The following PEPD variants were observed in gnomAD, a reference collection of about 807,000 sequenced individuals.
PEPD encodes the protein xaa-Pro dipeptidase.
Under a neutral mutation model 60.7 loss-of-function variants are expected in PEPD, and 53 were observed. That is an observed-to-expected ratio of 0.87 (90% confidence interval 0.70 to 1.10). PEPD has a LOEUF of 1.10. Among genes scored for constraint, PEPD ranks in the 50% least tolerant of loss-of-function variants. The probability of loss-of-function intolerance (pLI) is 0.00; values close to 1 mark genes in which losing one functional copy is unlikely to be tolerated. For synonymous variants in PEPD, 267 were observed against 284.1 expected, an observed-to-expected ratio of 0.94 and a Z score of 0.60; for missense variants, 711 against 711.9, an observed-to-expected ratio of 1.00 and a Z score of 0.01.
intron 9 of PEPD, among the ~76,000 whole-genome samples, chr19:33,415,479 C>T (rs117227124): frequency 0.023 from 3,478 of 152,268 alleles, 62 homozygotes; most frequent in Non-Finnish European, 0.037. Context: ...CAAGACCAGC[C>T]TGGGCAACAC....
intron 9 of PEPD, 40 bp from the exon 10 acceptor site, chr19:33,413,683 C>A: frequency 8.1e-7 from 1 of 1,236,844 alleles, no homozygotes; most frequent in African/African-American, 1.5e-5. Flanking sequence ...GGCACTAGAG[C>A]AGGCACACCC....
chr19:33,445,442 G>A (rs544641764), intron 9 of PEPD, among the ~76,000 whole-genome samples: 1 of 152,270 alleles, frequency 6.6e-6, no homozygotes, highest in South Asian at 2.1e-4. Flanking sequence ...AGGACATTAG[G>A]GCAGGCCTAA....
intron 3 of PEPD, among the ~76,000 whole-genome samples, chr19:33,503,009 G>A (rs968599095): frequency 1.3e-5 from 2 of 151,438 alleles, no homozygotes; most frequent in Non-Finnish European, 2.9e-5. Flanking sequence ...CACGGAACAC[G>A]GTGGAGGGAG....
intron 7 of PEPD, among the ~76,000 whole-genome samples, chr19:33,472,635 A>G (rs1251194730): frequency 1.3e-5 from 2 of 152,186 alleles, no homozygotes; most frequent in Non-Finnish European, 2.9e-5. Context: ...TGAGCATTAA[A>G]CCCTGAATTA....
intron 9 of PEPD, among the ~76,000 whole-genome samples, chr19:33,453,279 C>A (rs572409519): frequency 7.9e-4 from 118 of 149,806 alleles, no homozygotes; most frequent in Admixed American, 1.5e-3. Context: ...GCACCACTGC[C>A]TTCCAGCCTG....
chr19:33,396,519 A>C (rs1236300938), intron 12 of PEPD, among the ~76,000 whole-genome samples: 1 of 152,088 alleles, frequency 6.6e-6, no homozygotes, highest in African/African-American at 2.4e-5. Context: ...CCCGTCACTC[A>C]CAAGTGGCCA....
intron 9 of PEPD, among the ~76,000 whole-genome samples, chr19:33,432,972 GACAGGCTCCCTC>G (rs1568468688): frequency 6.6e-6 from 1 of 152,238 alleles, no homozygotes; most frequent in Non-Finnish European, 1.5e-5. Context: ...GGCCTGGAGC[GACAGGCTCCCTC>G]ACTGCCATGC....
intron 8 of PEPD, among the ~76,000 whole-genome samples, chr19:33,463,334 C>T (rs998085820): frequency 1.3e-5 from 2 of 152,186 alleles, no homozygotes; most frequent in Admixed American, 6.5e-5. Context: ...AGGATTTAAC[C>T]ACGAGGTGCT....
intron 11 of PEPD, among the ~76,000 whole-genome samples, chr19:33,404,793 C>T (rs1968580637): frequency 6.6e-6 from 1 of 150,906 alleles, no homozygotes; most frequent in African/African-American, 2.5e-5. Flanking sequence ...TCGTGCTCCT[C>T]TCAGTTCCCT....
At chr19:33,408,394 G>A (rs1210706492) in intron 11 of PEPD, among the ~76,000 whole-genome samples, 1 of 152,262 alleles carries the variant, frequency 6.6e-6, no homozygotes, top group African/African-American at 2.4e-5. Context: ...GGTGGCCACT[G>A]CGAGAGAGGG....
chr19:33,404,679 T>A (rs75493355), intron 11 of PEPD, among the ~76,000 whole-genome samples: 1 of 152,282 alleles, frequency 6.6e-6, no homozygotes, highest in East Asian at 1.9e-4. Context: ...TGTAACTGCA[T>A]TTCTTGTTTG....
At chr19:33,502,407 G>A (rs956835484) in intron 3 of PEPD, among the ~76,000 whole-genome samples, 1 of 152,116 alleles carries the variant, frequency 6.6e-6, no homozygotes, top group African/African-American at 2.4e-5. Context: ...GAATAGGGTC[G>A]GGAGGCGTTA....
intron 3 of PEPD, 51 bp downstream of exon 3, chr19:33,510,976 AC>A: frequency 1.5e-6 from 2 of 1,369,054 alleles, no homozygotes; most frequent in Non-Finnish European, 1.9e-6. Context: ...TCCCCTACCC[AC>A]CCCCAGCCCA....
chr19:33,399,337 C>G (rs1968435943), intron 12 of PEPD, among the ~76,000 whole-genome samples: 1 of 152,222 alleles, frequency 6.6e-6, no homozygotes, highest in Non-Finnish European at 1.5e-5. Flanking sequence ...TCGGCAGCTG[C>G]TAAACCAGGT....
chr19:33,505,833 CCA>C (rs755831594), intron 3 of PEPD, among the ~76,000 whole-genome samples: 8 of 127,774 alleles, frequency 6.3e-5, no homozygotes, highest in Non-Finnish European at 9.0e-5. Flanking sequence ...CTACACACAC[CCA>C]CACACAACAC....
intron 9 of PEPD, among the ~76,000 whole-genome samples, chr19:33,416,757 A>C (rs972497185): frequency 6.6e-6 from 1 of 152,210 alleles, no homozygotes; most frequent in African/African-American, 2.4e-5. Context: ...CTCCCAGGCA[A>C]GACTCGGGTA....
intron 11 of PEPD, among the ~76,000 whole-genome samples, chr19:33,402,564 T>C (rs1271198678): frequency 1.3e-5 from 2 of 152,114 alleles, no homozygotes; most frequent in Non-Finnish European, 2.9e-5. Context: ...GACGGACATA[T>C]TCTGCCAGGG....
intron 12 of PEPD, among the ~76,000 whole-genome samples, chr19:33,398,704 G>A (rs756778445): frequency 6.6e-6 from 1 of 152,262 alleles, no homozygotes; most frequent in Non-Finnish European, 1.5e-5. Context: ...GGCGCCCCTG[G>A]GCGACTGCTT....
chr19:33,401,889 G>C lies in PEPD; in HGVS notation c.819-20C>G, dbSNP rs761943357. Reference sequence around the variant, plus strand: ...AACAGGCTGCGGAGAGAGGAAGGCAGGGCAAGTGGGTACTGGGGTGCCACC... The same window carrying C: ...AACAGGCTGCGGAGAGAGGAAGGCACGGCAAGTGGGTACTGGGGTGCCACC... On this transcript the variant is annotated intron_variant, in intron 11 of 14. Coordinates refer to ENST00000244137, the MANE Select transcript of PEPD (RefSeq NM_000285.4). 1 of 1,611,898 alleles carries C rather than the reference G, an allele frequency of 6.2e-7. No individual in the cohort carries two copies. The highest frequency in any genetic ancestry group is 1.1e-5 in the South Asian group (1 of 90,946).
Sources: allele counts gnomAD v4.1 joint callset (sites outside exome capture counted in the v4.1 genomes callset), GRCh38; gene constraint gnomAD v4.1.1; transcripts MANE v1.5; gene names NCBI Gene and HGNC (gene_info 2026-07-23, HGNC 2026-07-21).